Variants in RUNX3 observed in about 807,000 individuals in gnomAD.
RUNX3 encodes the protein runt-related transcription factor 3.
A neutral mutation model predicts 27.7 loss-of-function variants in RUNX3; 10 were observed. That is an observed-to-expected ratio of 0.36 (90% confidence interval 0.22 to 0.61). The LOEUF is 0.61. Ranked by LOEUF, RUNX3 falls within the 20% of genes least tolerant of loss-of-function variation. RUNX3 has a pLI of 0.72. For missense variants in RUNX3, 469 were observed against 629.5 expected, an observed-to-expected ratio of 0.75 and a Z score of 2.73; for synonymous variants, 270 against 269.2, an observed-to-expected ratio of 1.00 and a Z score of -0.03.
chr1:24,956,590 C>A (rs1340661512), intron 2 of RUNX3, among the ~76,000 whole-genome samples: 1 of 152,170 alleles, frequency 6.6e-6, no homozygotes, highest in African/African-American at 2.4e-5. Context: ...CTGGACCTAG[C>A]ACCTCTTCCC....
At position 24,964,835 on chromosome 1, in the gene RUNX3, C is replaced by T; in HGVS notation, c.-98+1G>A. On this transcript the variant is annotated splice_donor_variant, in intron 1 of 6. Coordinates refer to the RUNX3 transcript ENST00000338888. LOFTEE classifies it low-confidence loss of function (5UTR_SPLICE). ...CAAGGAAAGTAAGTTTCTGTTTGTA[C>T]CCAAGAATTTGGATTCCCGGTCCCA... 3 of 869,170 alleles carry T rather than the reference C, an allele frequency of 3.5e-6. No individual in the cohort carries two copies. The highest frequency in any genetic ancestry group is 3.7e-4 in the Middle Eastern group (1 of 2,702). The allele number at this position is 869,170 out of a possible 1,614,324, so 53.8% of individuals were successfully genotyped here. A position where few individuals can be genotyped will look rare whatever the true frequency, so the allele number is the denominator to read the frequency against.
chr1:24,948,734 T>G (rs1571350462), intron 2 of RUNX3, among the ~76,000 whole-genome samples: 1 of 141,228 alleles, frequency 7.1e-6, no homozygotes, highest in African/African-American at 2.7e-5. Flanking sequence ...GCATTGGGGG[T>G]GCATGCAGGG....
In RUNX3 at chr1:24,908,124, A is replaced by AACCTCTACGACACGCGGTGATCCG. The variant is rs1557837235; in HGVS notation, c.545-708_545-707insCGGATCACCGCGTGTCGTAGAGGT. On this transcript the variant is annotated intron_variant, in intron 3 of 4. Coordinates refer to ENST00000308873, the MANE Select transcript of RUNX3 (RefSeq NM_004350.3). The stretch of plus-strand genomic sequence containing the variant: ...GAACCTCTACGACACGCGGTGATCC[A>AACCTCTACGACACGCGGTGATCCG]AACCTCTATGACACGCGGTGATCCG... Among the ~76,000 whole-genome samples, 32 of 106,012 alleles carry AACCTCTACGACACGCGGTGATCCG rather than the reference A, an allele frequency of 3.0e-4. 2 individuals are homozygous for AACCTCTACGACACGCGGTGATCCG. The highest frequency in any genetic ancestry group is 5.5e-3 in the Middle Eastern group (1 of 182). 69.5% of individuals were successfully genotyped at this position (106,012 alleles called of 152,430 possible).
chr1:24,963,866 A>G (rs1179711870), intron 2 of RUNX3, among the ~76,000 whole-genome samples: 1 of 152,160 alleles, frequency 6.6e-6, no homozygotes, highest in African/African-American at 2.4e-5. Context: ...TGCAGCCACC[A>G]AAAAAGGCAA....
At chr1:24,920,854 C>T (rs6656305) in intron 2 of RUNX3, among the ~76,000 whole-genome samples, 2 of 152,176 alleles carry the variant, frequency 1.3e-5, no homozygotes, top group African/African-American at 4.8e-5. Context: ...TCTGATGTGT[C>T]TGGGAGTTTG....
At chr1:24,940,555 G>T (rs1460742702) in intron 2 of RUNX3, among the ~76,000 whole-genome samples, 1 of 152,144 alleles carries the variant, frequency 6.6e-6, no homozygotes, top group African/African-American at 2.4e-5. Flanking sequence ...AATAGAAAAT[G>T]ACATTGAAGG....
chr1:24,947,712 C>T (rs1337425079), intron 2 of RUNX3, among the ~76,000 whole-genome samples: 2 of 152,156 alleles, frequency 1.3e-5, no homozygotes, highest in Non-Finnish European at 2.9e-5. Flanking sequence ...CTGTTTGCAT[C>T]CTCCTTTCCC....
intron 3 of RUNX3, among the ~76,000 whole-genome samples, chr1:24,911,233 TAGTC>T (rs1257199825): frequency 5.9e-5 from 9 of 152,232 alleles, no homozygotes; most frequent in African/African-American, 1.7e-4. Context: ...CTGGGTGTTT[TAGTC>T]AGCCACAAGC....
In RUNX3 at chr1:24,923,285, C is replaced by T. The variant is rs74063011; in HGVS notation, c.440-3941G>A. Among the ~76,000 whole-genome samples the T allele has an allele frequency of 0.029, 4,434 of 152,102 alleles. 188 individuals are homozygous for T. The highest frequency in any genetic ancestry group is 0.096 in the African/African-American group (3,958 of 41,438). On this transcript the variant is annotated intron_variant, in intron 2 of 4. Coordinates refer to ENST00000308873, the MANE Select transcript of RUNX3 (RefSeq NM_004350.3). This position sits in a 1 kb window ranked among gnomAD's most constrained non-coding sequence, Gnocchi z 5.9. ...AGGGAGGGGCAGGAGTCCTGGACCT[C>T]GGGAGACAGGGAGCCTGGGGAGCAG...
chr1:24,919,410 C>A, intron 2 of RUNX3, 66 bp from the exon 3 acceptor site: 1 of 1,032,036 alleles, frequency 9.7e-7, no homozygotes, highest in Non-Finnish European at 1.5e-6. Context: ...CCTGCTCTCC[C>A]ACCTGTATCT....
intron 2 of RUNX3, among the ~76,000 whole-genome samples, chr1:24,942,732 C>T (rs1480428112): frequency 1.3e-5 from 2 of 152,210 alleles, no homozygotes; most frequent in East Asian, 3.9e-4. Flanking sequence ...CCCTGAGAGC[C>T]AGATGGGGTG....
In RUNX3 at chr1:24,907,292, G is replaced by C; in HGVS notation, c.670C>G (p.His224Asp). ...SPRGSLSTTS[H>D]FSSQPQTPIQ... ...GGGGTCTGGGGCTGGCTGCTGAAGT[G>C]GCTTGTGGTGCTGAGTGAGCCTCGG... The change falls in exon 4 of 5, where the codon CAC becomes GAC. Residue 224 changes from histidine (H) to aspartate (D), a missense_variant. This residue lies in a region of RUNX3 where 279 missense variants were observed against 343.0 expected (regional missense o/e 0.81). Transcript: ENST00000308873. 2 of 1,612,364 alleles carry C rather than the reference G, an allele frequency of 1.2e-6. No homozygotes were observed. The highest frequency in any genetic ancestry group is 1.7e-6 in the Non-Finnish European group (2 of 1,180,006).
intron 2 of RUNX3, among the ~76,000 whole-genome samples, chr1:24,935,531 C>A (rs1005734): frequency 0.43 from 65,051 of 152,072 alleles, 16,891 homozygotes; most frequent in South Asian, 0.58. Flanking sequence ...GAGGCAAGGA[C>A]GGAGAAAAGA....
intron 3 of RUNX3, among the ~76,000 whole-genome samples, chr1:24,910,856 C>T (rs561611882): frequency 1.3e-5 from 2 of 152,126 alleles, no homozygotes; most frequent in Non-Finnish European, 2.9e-5. Context: ...GGGCTGGGGG[C>T]GAGTTTAGCT....
chr1:24,911,563 T>C (rs1640796422), intron 3 of RUNX3, among the ~76,000 whole-genome samples: 1 of 152,204 alleles, frequency 6.6e-6, no homozygotes, highest in Non-Finnish European at 1.5e-5. Flanking sequence ...GTCACCACCA[T>C]CATGACCATC....
In RUNX3 at chr1:24,929,790, C is replaced by T; in HGVS notation, c.79G>A (p.Gly27Ser). The T allele has an allele frequency of 7.1e-7, 1 of 1,401,932 alleles. No homozygotes were observed. Among genetic ancestry groups the T allele is most frequent in the Non-Finnish European group, 9.2e-7 (1 of 1,084,466 alleles). 86.8% of individuals were successfully genotyped at this position (1,401,932 alleles called of 1,614,324 possible). A position where few individuals can be genotyped will look rare whatever the true frequency, so the allele number is the denominator to read the frequency against. ...SPAFPCGGGG[G>S]KMGENSGALS... ...GCGCCGCTGTTCTCGCCCATCTTGC[C>T]GCCGCCGCCGCCGCAGGGGAAGGCC... The change falls in exon 1 of 5, where the codon GGC becomes AGC. Residue 27 changes from glycine (G) to serine (S), a missense_variant. Transcript: ENST00000308873.
At chr1:24,937,392 CT>C in intron 2 of RUNX3, among the ~76,000 whole-genome samples, 1 of 152,398 alleles carries the variant, frequency 6.6e-6, no homozygotes, top group South Asian at 2.1e-4. Context: ...AAATCCACCC[CT>C]CATCACCAAT....
At chr1:24,941,165 A>C (rs953129444) in intron 2 of RUNX3, among the ~76,000 whole-genome samples, 1 of 152,110 alleles carries the variant, frequency 6.6e-6, no homozygotes, top group African/African-American at 2.4e-5. Context: ...TGTCCTCATC[A>C]TGGCAACCCC....
At position 24,947,658 on chromosome 1, in the gene RUNX3, A is replaced by T. The variant is rs115112687; in HGVS notation, c.58+16856T>A. Among the ~76,000 whole-genome samples, 1,248 of 152,298 alleles carry T rather than the reference A, an allele frequency of 8.2e-3. 17 individuals are homozygous for T. The highest frequency in any genetic ancestry group is 0.029 in the African/African-American group (1,205 of 41,566). ...TTTAACCCCACAGGAAGAAGAGGAC[A>T]GAAATGATTGCAGGGGGTTAACCTA... On this transcript the variant is annotated intron_variant, in intron 2 of 6. Coordinates refer to the RUNX3 transcript ENST00000338888.
Sources: gnomAD v4.1 joint callset for allele counts (sites outside exome capture counted in the v4.1 genomes callset) on GRCh38, gnomAD v4.1.1 for gene constraint, gnomAD v4.1.1 regional missense constraint, Gnocchi (gnomAD v3.1) non-coding constraint, MANE v1.5 for transcripts, NCBI Gene and HGNC (gene_info 2026-07-23, HGNC 2026-07-21) for gene names.